The following CARF variants were observed in gnomAD, a reference collection of about 807,000 sequenced individuals.
The protein encoded by CARF is calcium responsive transcription factor, also known as calcium-responsive transcription factor.
A neutral mutation model predicts 82.0 loss-of-function variants in CARF; 57 were observed. The observed-to-expected ratio is 0.70, with a 90% CI of 0.56 to 0.87. The LOEUF (loss-of-function observed/expected upper bound fraction) is 0.87, where lower values mean the gene tolerates loss of function less well. Among genes scored for constraint, CARF ranks in the 40% least tolerant of loss-of-function variants. The pLI, the probability that CARF is intolerant of heterozygous loss-of-function variation, is 0.00. For missense variants in CARF, 771 were observed against 855.8 expected, an observed-to-expected ratio of 0.90 and a Z score of 1.24; for synonymous variants, 268 against 290.1, an observed-to-expected ratio of 0.92 and a Z score of 0.77.
In CARF at chr2:202,967,092, C is replaced by T; in HGVS notation, c.947C>T (p.Pro316Leu). ...TGTCAGCTCTACAAAGCCACTTGTC[C>T]AGCTCGGTAAGCTTTATTTTCTTTT... ...RSCQLYKATC[P>L]ARIYIKKVQK... Residue 316 changes from proline to leucine, a missense_variant, in exon 10 of 17, where the codon CCA becomes CTA. Coordinates refer to ENST00000438828, the MANE Select transcript of CARF (RefSeq NM_024744.17). The T allele has an allele frequency of 5.0e-6, 8 of 1,613,404 alleles. No homozygotes were observed. The highest frequency in any genetic ancestry group is 5.9e-6 in the Non-Finnish European group (7 of 1,179,810).
Position 202,986,321 on chromosome 2 carries a change from T to C in CARF, c.*2697T>C, listed in dbSNP as rs1484345653. On this transcript the variant is annotated 3_prime_UTR_variant, in exon 17 of 17. Transcript: ENST00000438828. ...TTTAATTATTTTGAAATGTATAGGG[T>C]ATTAAATACAAGCTTCTAAAATTTT... is the stretch of plus-strand genomic sequence containing the variant. The C allele has an allele frequency of 6.6e-6, 1 of 152,134 alleles. No individual in the cohort carries two copies. Among genetic ancestry groups the C allele is most frequent in the Non-Finnish European group, 1.5e-5 (1 of 67,970 alleles). 9.4% of individuals were successfully genotyped at this position (152,134 alleles called of 1,614,324 possible). A position where few individuals can be genotyped will look rare whatever the true frequency, so the allele number is the denominator to read the frequency against.
chr2:202,972,506 G>A (rs775999065), intron 12 of CARF, among the ~76,000 whole-genome samples: 86 of 151,500 alleles, frequency 5.7e-4, no homozygotes, highest in Non-Finnish European at 1.0e-3. Flanking sequence ...GTGAAACCCC[G>A]TCTCTACTAA....
At chr2:202,941,315 G>A (rs959829143) in intron 3 of CARF, among the ~76,000 whole-genome samples, 2 of 151,954 alleles carry the variant, frequency 1.3e-5, no homozygotes, top group Admixed American at 6.6e-5. Flanking sequence ...TAAGTGGCTC[G>A]GAGTTATTGG....
chr2:202,937,354 T>C (rs1477313093), intron 3 of CARF, among the ~76,000 whole-genome samples: 1 of 152,128 alleles, frequency 6.6e-6, no homozygotes, highest in Admixed American at 6.6e-5. Context: ...TATTATTTTA[T>C]ACAGAGTGTT....
chr2:202,974,299 G>T, intron 12 of CARF, 35 bp from the exon 13 acceptor site: 1 of 1,511,838 alleles, frequency 6.6e-7, no homozygotes, highest in South Asian at 1.3e-5. Flanking sequence ...TTGCTAAATG[G>T]TTTATGTCTT....
intron 11 of CARF, 111 bp from the exon 12 acceptor site, chr2:202,971,394 C>T: frequency 1.9e-6 from 1 of 531,200 alleles, no homozygotes; most frequent in Non-Finnish European, 3.2e-6. Context: ...AGGATTAATC[C>T]TTTCCTTTAT....
chr2:202,971,421 A>G (rs1013230974), intron 11 of CARF, 84 bp from the exon 12 acceptor site: 5 of 743,054 alleles, frequency 6.7e-6, no homozygotes, highest in Non-Finnish European at 1.1e-5. Flanking sequence ...TAACCTAAGT[A>G]ATTATGATTC....
In CARF at chr2:202,954,145, G is replaced by A. The variant is rs771544238; in HGVS notation, c.557+11G>A. The A allele has an allele frequency of 6.9e-6, 11 of 1,600,614 alleles. No individual in the cohort carries two copies. Among genetic ancestry groups the A allele is most frequent in the South Asian group, 5.7e-5 (5 of 87,906 alleles). Reference sequence around the variant, plus strand: ...AAAGTCAGTGACCGGGTGAGTCCACGGGAAAGAGAAGCTCATCTTTTAATA... The same window carrying A: ...AAAGTCAGTGACCGGGTGAGTCCACAGGAAAGAGAAGCTCATCTTTTAATA... On this transcript the variant is annotated intron_variant, in intron 7 of 16. Coordinates refer to ENST00000438828, the MANE Select transcript of CARF (RefSeq NM_024744.17).
intron 3 of CARF, among the ~76,000 whole-genome samples, chr2:202,938,662 T>C (rs202143706): frequency 1.3e-5 from 2 of 151,766 alleles, no homozygotes; most frequent in Non-Finnish European, 1.5e-5. Flanking sequence ...TTTTTTTGTT[T>C]TTTTTTTGTT....
chr2:202,928,867 C>A (rs1394439534), intron 3 of CARF, among the ~76,000 whole-genome samples: 1 of 152,044 alleles, frequency 6.6e-6, no homozygotes, highest in Non-Finnish European at 1.5e-5. Context: ...GCAGCTAGGA[C>A]CACAGGTCCG....
chr2:202,922,675 G>T (rs988236011), intron 2 of CARF, among the ~76,000 whole-genome samples: 10 of 152,054 alleles, frequency 6.6e-5, no homozygotes, highest in Admixed American at 2.0e-4. Flanking sequence ...TGTGGTGGCA[G>T]GCTCCTATAA....
intron 9 of CARF, 184 bp downstream of exon 9, chr2:202,961,610 A>G (rs1574704062): frequency 1.7e-6 from 1 of 573,820 alleles, no homozygotes; most frequent in Non-Finnish European, 3.1e-6. Flanking sequence ...ATAATATTGC[A>G]TTTTAATATA....
chr2:202,961,683 TTAAACC>T (rs2059328688), intron 9 of CARF: 2 of 471,200 alleles, frequency 4.2e-6, no homozygotes, highest in South Asian at 8.5e-5. Context: ...GAAGTTTCCA[TTAAACC>T]TATTTAATAA....
At position 202,977,256 on chromosome 2, in the gene CARF, GT is replaced by G; in HGVS notation, c.1495-11del. On this transcript the variant is annotated splice_polypyrimidine_tract_variant and intron_variant, in intron 13 of 16. Coordinates refer to ENST00000438828, the MANE Select transcript of CARF (RefSeq NM_024744.17). ...GAGCTTTATTTTTACTGAAATAAAT[GT>G]TCCCATTTCAGCTTCAATGGACTAC... The G allele has an allele frequency of 6.3e-7, 1 of 1,586,656 alleles. No individual in the cohort carries two copies. The highest frequency in any genetic ancestry group is 1.7e-5 in the Admixed American group (1 of 57,170).
chr2:202,955,552 T>C (rs3731695), intron 7 of CARF, 122 bp from the exon 8 acceptor site: 284,567 of 556,858 alleles, frequency 0.51, 76,322 homozygotes, highest in Middle Eastern at 0.63. Context: ...TCTGTAGTTA[T>C]TGTTAAAATT....
chr2:202,963,973 C>G (rs1405469682), intron 9 of CARF, among the ~76,000 whole-genome samples: 1 of 152,126 alleles, frequency 6.6e-6, no homozygotes, highest in African/African-American at 2.4e-5. Context: ...TGGTAGTGGT[C>G]CAGTCTGGAG....
chr2:202,925,501 G>A, intron 3 of CARF: 1 of 241,762 alleles, frequency 4.1e-6, no homozygotes, highest in Non-Finnish European at 8.3e-6. Context: ...TTAGGAATAT[G>A]ATCAAGTGTG....
chr2:202,986,868 GTATATATATATATA>G lies in CARF; in HGVS notation c.*3271_*3284del, dbSNP rs67693134. On this transcript the variant is annotated 3_prime_UTR_variant, in exon 17 of 17. Coordinates refer to ENST00000438828, the MANE Select transcript of CARF (RefSeq NM_024744.17). ...AAAGAGGTTTAAAAAATGTCTGTGC[GTATATATATATATA>G]TATATATATATATATATATATATAT... is the stretch of plus-strand genomic sequence containing the variant. The G allele has an allele frequency of 3.0e-4, 9 of 29,652 alleles. No homozygotes were observed. The highest frequency in any genetic ancestry group is 8.1e-4 in the Admixed American group (2 of 2,472). 1.8% of individuals were successfully genotyped at this position (29,652 alleles called of 1,614,324 possible). A position where few individuals can be genotyped will look rare whatever the true frequency, so the allele number is the denominator to read the frequency against.
chr2:202,976,885 G>A (rs1169424134), intron 13 of CARF, among the ~76,000 whole-genome samples: 1 of 151,576 alleles, frequency 6.6e-6, no homozygotes, highest in Non-Finnish European at 1.5e-5. Context: ...AATTTTTTAA[G>A]TTTTTGTAGA....
Sources: gnomAD v4.1 joint callset for allele counts (sites outside exome capture counted in the v4.1 genomes callset) on GRCh38, gnomAD v4.1.1 for gene constraint, MANE v1.5 for transcripts, NCBI Gene and HGNC (gene_info 2026-07-23, HGNC 2026-07-21) for gene names.